FASTKD3: variants seen among roughly 807,000 people sequenced by gnomAD.
FASTKD3 encodes FAST kinase domain-containing protein 3, mitochondrial.
A neutral mutation model predicts 49.7 loss-of-function variants in FASTKD3; 47 were observed. The ratio of observed to expected loss-of-function variants is 0.95; its 90% CI spans 0.75 to 1.21. FASTKD3 has a LOEUF of 1.21. Ranked by LOEUF, FASTKD3 falls within the 50% of genes most tolerant of loss-of-function variation. The pLI, the probability that FASTKD3 is intolerant of heterozygous loss-of-function variation, is 0.00. For missense variants in FASTKD3, 748 were observed against 765.7 expected (o/e 0.98, Z 0.27); for synonymous variants, 284 against 288.6 (o/e 0.98, Z 0.16).
chr5:7,867,908 T>C lies in FASTKD3; in HGVS notation c.176A>G (p.His59Arg). The change falls in exon 2 of 7, where the codon CAT (histidine) becomes CGT (arginine). Residue 59 changes from histidine to arginine, a missense_variant. Transcript: ENST00000264669. ...QPEPFGVKFH[H>R]AHCKKFHSKN... Reference sequence around the variant, plus strand: ...CGAATGAAACTTTTTACAATGGGCATGATGGAATTTGACCCCGAAAGGCTC... The same window carrying C: ...CGAATGAAACTTTTTACAATGGGCACGATGGAATTTGACCCCGAAAGGCTC... The C allele has an allele frequency of 1.2e-6, 2 of 1,614,158 alleles. No individual in the cohort carries two copies. Among genetic ancestry groups the C allele is most frequent in the Non-Finnish European group, 8.5e-7 (1 of 1,180,034 alleles).
Position 7,868,204 on chromosome 5 carries a change from A to G in FASTKD3, c.-113-8T>C, listed in dbSNP as rs979094922. On this transcript the variant is annotated splice_polypyrimidine_tract_variant and splice_region_variant and intron_variant, in intron 1 of 6. Transcript: ENST00000264669. The stretch of plus-strand genomic sequence containing the variant: ...GAAACTACAAACGAGTATCTGGAAA[A>G]AAAAAAAAAAAAAAAAAAAGGATGG... 23 of 149,168 alleles carry G rather than the reference A, an allele frequency of 1.5e-4. No homozygotes were observed. In the African/African-American group the frequency reaches 6.5e-3, roughly 42 times the overall value. 9.2% of individuals were successfully genotyped at this position (149,168 alleles called of 1,614,324 possible).
At chr5:7,866,533 G>C in intron 2 of FASTKD3, 113 bp downstream of exon 2, 1 of 781,688 alleles carries the variant, frequency 1.3e-6, no homozygotes, top group Non-Finnish European at 2.1e-6. Flanking sequence ...CTCATCTTCG[G>C]ATCACTATGG....
chr5:7,859,540 CT>C lies in FASTKD3; in HGVS notation c.1885-2del. 1 of 1,575,170 alleles carries C rather than the reference CT, an allele frequency of 6.3e-7. No individual in the cohort carries two copies. Among genetic ancestry groups the C allele is most frequent in the Non-Finnish European group, 8.7e-7 (1 of 1,153,906 alleles). ...GCATCCCAATCTCATGATAGGGGAT[CT>C]GTAAAGGTAGAAAAGTAAAACTGGT... On this transcript the variant is annotated splice_acceptor_variant, in intron 6 of 6. Coordinates refer to ENST00000264669, the MANE Select transcript of FASTKD3 (RefSeq NM_024091.4). LOFTEE classifies it high-confidence loss of function.
chr5:7,868,199 GGA>G lies in FASTKD3; in HGVS notation c.-113-5_-113-4del. 4.1e-4 allele frequency: 71 copies of G among 174,702 alleles called. No individual in the cohort carries two copies. Among genetic ancestry groups the G allele is most frequent in the South Asian group, 5.9e-4 (2 of 3,406 alleles). 10.8% of individuals were successfully genotyped at this position (174,702 alleles called of 1,614,324 possible). A position where few individuals can be genotyped will look rare whatever the true frequency, so the allele number is the denominator to read the frequency against. On this transcript the variant is annotated splice_polypyrimidine_tract_variant and splice_region_variant and intron_variant, in intron 1 of 6. Transcript: ENST00000264669. ...TTTATGAAACTACAAACGAGTATCT[GGA>G]AAAAAAAAAAAAAAAAAAAAAAGGA...
chr5:7,869,002 CG>C lies in FASTKD3; in HGVS notation c.-138del. ...ACCGCGCTCTGCCGGGCAATCACTC[CG>C]GGTGGTCGCGGAAGCGCCTGGGCGT... On this transcript the variant is annotated 5_prime_UTR_variant, in exon 1 of 7. Transcript: ENST00000264669. The C allele has an allele frequency of 9.6e-7, 1 of 1,039,488 alleles. No homozygotes were observed. Among genetic ancestry groups the C allele is most frequent in the Non-Finnish European group, 1.5e-6 (1 of 668,688 alleles). The allele number at this position is 1,039,488 out of a possible 1,614,324, so 64.4% of individuals were successfully genotyped here. A position where few individuals can be genotyped will look rare whatever the true frequency, so the allele number is the denominator to read the frequency against.
At position 7,867,844 on chromosome 5, in the gene FASTKD3, C is replaced by T. The variant is rs150802478; in HGVS notation, c.240G>A (p.Val80=). Residue 80 remains valine, a synonymous_variant, in exon 2 of 7, where the codon GTG becomes GTA. Transcript: ENST00000264669. ...GNDLHPLGGP[V]FSQVSDCDRL... is the part of the protein sequence containing the mutation. ...TGTCGCAGTCAGATACTTGAGAGAA[C>T]ACTGGTCCACCGAGTGGATGAAGGT... 4 of 1,614,166 alleles carry T rather than the reference C, an allele frequency of 2.5e-6. No individual in the cohort carries two copies. In the Admixed American group the frequency reaches 5.0e-5, roughly 20 times the overall value.
intron 4 of FASTKD3, 59 bp from the exon 5 acceptor site, chr5:7,861,711 T>A (rs920537240): frequency 6.4e-7 from 1 of 1,568,622 alleles, no homozygotes; most frequent in African/African-American, 1.3e-5. Context: ...ACTATCTTCC[T>A]GTATTCATTC....
intron 2 of FASTKD3, 134 bp from the exon 3 acceptor site, chr5:7,866,117 C>A: frequency 1.5e-6 from 1 of 662,940 alleles, no homozygotes; most frequent in Non-Finnish European, 2.6e-6. Context: ...ATGAAATGAA[C>A]TTGTTAGAAT....
chr5:7,865,243 T>A (rs951433516), intron 3 of FASTKD3, among the ~76,000 whole-genome samples: 2 of 152,186 alleles, frequency 1.3e-5, no homozygotes, highest in African/African-American at 4.8e-5. Context: ...TATCTTTATA[T>A]AACTTAGTAC....
Position 7,868,198 on chromosome 5 carries a change from TGGA to T in FASTKD3, c.-113-5_-113-3del. ...GTTTATGAAACTACAAACGAGTATC[TGGA>T]AAAAAAAAAAAAAAAAAAAAAAGGA... On this transcript the variant is annotated splice_polypyrimidine_tract_variant and splice_region_variant and intron_variant, in intron 1 of 6. Transcript: ENST00000264669. The T allele has an allele frequency of 3.9e-6, 1 of 256,684 alleles. No homozygotes were observed. Among genetic ancestry groups the T allele is most frequent in the South Asian group, 1.9e-4 (1 of 5,190 alleles). The allele number at this position is 256,684 out of a possible 1,614,324, so 15.9% of individuals were successfully genotyped here.
rs1746964425 is a variant in FASTKD3, at chr5:7,866,558, GCAACA to G, written c.1438+83_1438+87del. 4.5e-4 allele frequency: 440 copies of G among 976,218 alleles called. 6 individuals carry two copies. In the South Asian group the frequency reaches 6.6e-3, roughly 15 times the overall value. 60.5% of individuals were successfully genotyped at this position (976,218 alleles called of 1,614,324 possible). A position where few individuals can be genotyped will look rare whatever the true frequency, so the allele number is the denominator to read the frequency against. On this transcript the variant is annotated intron_variant, in intron 2 of 6. Coordinates refer to ENST00000264669, the MANE Select transcript of FASTKD3 (RefSeq NM_024091.4). ...GATCACTATGGAAGAAAAACTAAAG[GCAACA>G]TATTGCCTTTATATGTGACTTGAAA...
chr5:7,862,683 C>G, intron 4 of FASTKD3, 140 bp downstream of exon 4: 1 of 711,088 alleles, frequency 1.4e-6, no homozygotes. Context: ...GGCTCTGCTG[C>G]TAACCCCAAC....
rs780635696 is a variant in FASTKD3, at chr5:7,867,031, A to G, written c.1053T>C (p.Phe351=). ...CTACACGATGCTCTAGGGCTTTTGT[A>G]AAAAATGTGTCATGGTGCCCAAAAT... The part of the protein sequence containing the change: ...FIYFGHHDTF[F]TKALEHRVAA... The change falls in exon 2 of 7, where the codon TTT becomes TTC. Residue 351 remains phenylalanine (F), a synonymous_variant. Coordinates refer to ENST00000264669, the MANE Select transcript of FASTKD3 (RefSeq NM_024091.4). The G allele has an allele frequency of 4.3e-6, 7 of 1,614,176 alleles. No homozygotes were observed. The highest frequency in any genetic ancestry group is 5.9e-6 in the Non-Finnish European group (7 of 1,180,032).
chr5:7,866,733 G>C lies in FASTKD3; in HGVS notation c.1351C>G (p.Leu451Val). 6.2e-7 allele frequency: 1 copy of C among 1,613,878 alleles called. No homozygotes were observed. Residue 451 changes from leucine to valine, a missense_variant, in exon 2 of 7, where the codon CTT (leucine) becomes GTT (valine). Transcript: ENST00000264669. The stretch of plus-strand genomic sequence containing the variant: ...TCATTAAGTGAACATGAATGAAGAA[G>C]TTTCAATAATGATTTGGGTGGAAAA... ...NYFPPKSLLK[L>V]LHSCSLNECH...
chr5:7,865,923 G>A lies in FASTKD3; in HGVS notation c.1499C>T (p.Ser500Leu), dbSNP rs770430200. The A allele has an allele frequency of 1.9e-6, 3 of 1,613,956 alleles. No homozygotes were observed. The highest frequency in any genetic ancestry group is 2.5e-6 in the Non-Finnish European group (3 of 1,179,850). The change falls in exon 3 of 7, where the codon TCA (serine) becomes TTA (leucine). Residue 500 changes from serine (S) to leucine (L), a missense_variant. Physicochemically the swap from Ser to Leu is moderately radical, Grantham distance 145. Around this residue, in one of 3 missense-constraint regions of FASTKD3, gnomAD observed 178 missense variants for 182.2 expected, o/e 0.98. Transcript: ENST00000264669. ...CTTATAGAAAGGGCATTCCAGGACT[G>A]AGGCTAAGAAAAGTTGGGTCAGTTG... ...RAQLTQLFLA[S>L]VLECPFYKGP...
In FASTKD3 at chr5:7,867,466, A is replaced by T; in HGVS notation, c.618T>A (p.Asn206Lys). ...CTTCCATGCCACCTTTTCTGAGACG[A>T]TTTTGGCATTCTGCCACCAGGTTCA... Reference protein sequence around the residue: ...LLLNLVAECQNRLRKGGMEVR... With the variant: ...LLLNLVAECQKRLRKGGMEVR... The change falls in exon 2 of 7, where the codon AAT (asparagine) becomes AAA (lysine). Residue 206 changes from asparagine to lysine, a missense_variant. Asn to Lys is a moderately conservative substitution (Grantham distance 94). This residue lies in a region of FASTKD3 where 564 missense variants were observed against 562.8 expected (regional missense o/e 1.00). Coordinates refer to ENST00000264669, the MANE Select transcript of FASTKD3 (RefSeq NM_024091.4). 6.2e-7 allele frequency: 1 copy of T among 1,614,206 alleles called. No individual in the cohort carries two copies. The highest frequency in any genetic ancestry group is 8.5e-7 in the Non-Finnish European group (1 of 1,180,044).
At chr5:7,868,229 G>A (rs1315460142) in intron 1 of FASTKD3, 33 bp from the exon 2 acceptor site, 1 of 599,936 alleles carries the variant, frequency 1.7e-6, no homozygotes, top group African/African-American at 2.0e-5. Flanking sequence ...AAAAAGGATG[G>A]TTAACATATA....
In FASTKD3 at chr5:7,866,626, A is replaced by G. The variant is rs1295732408; in HGVS notation, c.1438+20T>C. ...CAAAGGTTACTTTTTTCCAACTGTC[A>G]GAATTTATAACCAACTCACCTTGCA... is the stretch of plus-strand genomic sequence containing the variant. On this transcript the variant is annotated intron_variant, in intron 2 of 6. Transcript: ENST00000264669. 6.5e-7 allele frequency: 1 copy of G among 1,535,532 alleles called. No individual in the cohort carries two copies.
rs185535191 is a variant in FASTKD3, at chr5:7,867,288, A to C, written c.796T>G (p.Cys266Gly). 5 of 1,613,742 alleles carry C rather than the reference A, an allele frequency of 3.1e-6. No homozygotes were observed. In the African/African-American group the frequency reaches 6.7e-5, roughly 22 times the overall value. ...TGGTGTTCATCCACTTTTTCAGTAC[A>C]TGCCTGCAAGATTCTATAAAGGGCC... Reference protein sequence around the residue: ...IVALYRILQACTEKVDEHQTF... With the variant: ...IVALYRILQAGTEKVDEHQTF... Residue 266 changes from cysteine to glycine, a missense_variant, in exon 2 of 7, where the codon TGT becomes GGT. Around this residue, in one of 3 missense-constraint regions of FASTKD3, gnomAD observed 564 missense variants for 562.8 expected, o/e 1.00. Transcript: ENST00000264669.
Sources: allele counts gnomAD v4.1 joint callset (sites outside exome capture counted in the v4.1 genomes callset), GRCh38; gene constraint gnomAD v4.1.1; regional missense constraint gnomAD v4.1.1; transcripts MANE v1.5; gene names NCBI Gene and HGNC (gene_info 2026-07-23, HGNC 2026-07-21).